Variants in LHFPL7 observed in about 807,000 individuals in gnomAD.
LHFPL7 encodes the protein LHFPL tetraspan subfamily member 7.
At chr22:24,940,871 A>G in the LHFPL7 span, among the ~76,000 whole-genome samples, 3 of 151,604 alleles carry the variant, frequency 2.0e-5, no homozygotes, top group Admixed American at 6.6e-5. Flanking sequence ...GGTTCAAGCG[A>G]TCCTCCCACC....
chr22:24,938,050 G>A, the LHFPL7 span: 13 of 1,487,878 alleles, frequency 8.7e-6, no homozygotes, highest in Admixed American at 2.6e-4. Flanking sequence ...TGACCCGAGA[G>A]GCCAGGCTCT....
At chr22:24,935,357 G>A in the LHFPL7 span, 2 of 1,613,508 alleles carry the variant, frequency 1.2e-6, no homozygotes, top group African/African-American at 1.3e-5. Flanking sequence ...CTGGCACAAA[G>A]ATGATTCTCT....
the LHFPL7 span, chr22:24,935,099 A>G: frequency 5.7e-6 from 3 of 530,024 alleles, no homozygotes; most frequent in East Asian, 9.8e-5. Context: ...TGTGCCAGAC[A>G]TGGTGCAAAG....
At chr22:24,935,668 T>C in the LHFPL7 span, 6 of 1,535,252 alleles carry the variant, frequency 3.9e-6, no homozygotes, top group Non-Finnish European at 5.3e-6. Context: ...CCACGACTCA[T>C]CCACCCTTTA....
the LHFPL7 span, among the ~76,000 whole-genome samples, chr22:24,944,718 C>CTATTTATTTATTTATTTATT: frequency 3.4e-5 from 5 of 148,984 alleles, no homozygotes; most frequent in African/African-American, 1.0e-4. Flanking sequence ...ACATGCCTGG[C>CTATTTATTTATTTATTTATT]TATTTATTTA....
chr22:24,939,622 G>A, the LHFPL7 span: 1 of 690,570 alleles, frequency 1.4e-6, no homozygotes, highest in South Asian at 1.5e-5. Flanking sequence ...TGGCCGAGGT[G>A]CTCCCTAGCC....
At chr22:24,938,166 C>T in the LHFPL7 span, 1 of 1,614,176 alleles carries the variant, frequency 6.2e-7, no homozygotes, top group Non-Finnish European at 8.5e-7. Context: ...TGCCTGCACC[C>T]CTGGCATTGG....
At chr22:24,938,069 A>T in the LHFPL7 span, 5 of 1,542,334 alleles carry the variant, frequency 3.2e-6, no homozygotes, top group Admixed American at 9.1e-5. Flanking sequence ...CTGCTCACAG[A>T]CTCATTCATT....
the LHFPL7 span, among the ~76,000 whole-genome samples, chr22:24,946,394 C>T: frequency 6.6e-6 from 1 of 151,700 alleles, no homozygotes; most frequent in Non-Finnish European, 1.5e-5. Flanking sequence ...AGCATGCACA[C>T]ATGAGCGCAC....
chr22:24,942,117 T>G, the LHFPL7 span, among the ~76,000 whole-genome samples: 1 of 151,910 alleles, frequency 6.6e-6, no homozygotes, highest in Non-Finnish European at 1.5e-5. Flanking sequence ...TGCCTCAGCC[T>G]CCCGAGTAGC....
the LHFPL7 span, chr22:24,938,118 C>A: frequency 6.2e-7 from 1 of 1,604,206 alleles, no homozygotes; most frequent in Non-Finnish European, 8.5e-7. Flanking sequence ...ATGTCTAGAG[C>A]ACTGACTATG....
chr22:24,942,818 T>C, the LHFPL7 span, among the ~76,000 whole-genome samples: 4 of 151,868 alleles, frequency 2.6e-5, no homozygotes, highest in African/African-American at 7.3e-5. Flanking sequence ...TTCCCATCTA[T>C]AGGAGTTTGG....
At chr22:24,937,998 G>T in the LHFPL7 span, 31 of 1,200,618 alleles carry the variant, frequency 2.6e-5, no homozygotes, top group African/African-American at 3.4e-4. Context: ...CTTGCCAAAG[G>T]ACCAGGAATA....
the LHFPL7 span, among the ~76,000 whole-genome samples, chr22:24,941,207 C>T: frequency 1.3e-5 from 2 of 149,734 alleles, no homozygotes; most frequent in Middle Eastern, 3.5e-3. Flanking sequence ...TGCTGTGTGT[C>T]GGCCAGGCTG....
chr22:24,935,194 G>GA, the LHFPL7 span: 44 of 1,169,266 alleles, frequency 3.8e-5, no homozygotes, highest in East Asian at 8.6e-4. Flanking sequence ...TTTTCCAGAA[G>GA]AAAAAACTGT....
chr22:24,938,184 C>T, the LHFPL7 span: 4 of 1,614,238 alleles, frequency 2.5e-6, no homozygotes, highest in Admixed American at 6.7e-5. Context: ...TGGAACACTG[C>T]TTCTCCTTGG....
the LHFPL7 span, chr22:24,935,606 C>T: frequency 2.5e-6 from 4 of 1,605,570 alleles, no homozygotes; most frequent in African/African-American, 1.3e-5. Context: ...CTGGAGATAG[C>T]AGGAAGGAAA....
the LHFPL7 span, among the ~76,000 whole-genome samples, chr22:24,940,654 C>CTTCCTTCCTTCCTTCCT: frequency 7.8e-6 from 1 of 128,152 alleles, no homozygotes; most frequent in South Asian, 3.1e-4. Flanking sequence ...TCCTTCCTTC[C>CTTCCTTCCTTCCTTCCT]TTCCTTCCTT....
At chr22:24,935,634 G>C in the LHFPL7 span, 1 of 1,582,542 alleles carries the variant, frequency 6.3e-7, no homozygotes, top group Non-Finnish European at 8.6e-7. Flanking sequence ...TGTTGGCCAA[G>C]GGGTACCTCA....
Sources: allele counts gnomAD v4.1 joint callset (sites outside exome capture counted in the v4.1 genomes callset), GRCh38; gene constraint gnomAD v4.1.1; transcripts MANE v1.5; gene names NCBI Gene and HGNC (gene_info 2026-07-23, HGNC 2026-07-21).